CD81: variants seen among roughly 807,000 people sequenced by gnomAD.
The protein encoded by CD81 is CD81 antigen.
CD81 carries 10 observed loss-of-function variants against 30.1 expected under a neutral mutation model. That is an observed-to-expected ratio of 0.33 (90% CI 0.21 to 0.56). The LOEUF (loss-of-function observed/expected upper bound fraction) is 0.56. Ranked by LOEUF, CD81 falls within the 20% of genes least tolerant of loss-of-function variation. CD81 has a pLI of 0.89. For synonymous variants in CD81, 147 were observed against 126.4 expected, an observed-to-expected ratio of 1.16 and a Z score of -1.10; for missense variants, 263 against 308.7, an observed-to-expected ratio of 0.85 and a Z score of 1.11.
At chr11:2,377,281 A>G (rs1849610012), upstream of CD81, 1 of 150,494 alleles carries the variant, frequency 6.6e-6, no homozygotes, top group African/African-American at 2.5e-5. The surrounding 1 kb of genome is among the most constrained non-coding windows in gnomAD (Gnocchi z 7.7). Flanking sequence ...GCGGCGCCCT[A>G]TAAGTACTGC....
chr11:2,396,087 T>C (rs1486736203), intron 6 of CD81, 117 bp downstream of exon 6: 2 of 473,452 alleles, frequency 4.2e-6, no homozygotes, highest in Non-Finnish European at 8.3e-6. Flanking sequence ...CTGGGTGGCA[T>C]GGCCCCTGTC....
Position 2,377,855 on chromosome 11 carries a change from C to A in CD81, c.66+240C>A. ...TGTGCTCGGGGGCCCACCTCTGCGGCCGGGCCGGGGCTTCTGGGGGCCGCC... is the reference window on the plus strand; with the variant it reads ...TGTGCTCGGGGGCCCACCTCTGCGGACGGGCCGGGGCTTCTGGGGGCCGCC... On this transcript the variant is annotated intron_variant, in intron 1 of 7. Transcript: ENST00000263645. This position sits in a 1 kb window ranked among gnomAD's most constrained non-coding sequence, Gnocchi z 7.7. 4.3e-6 allele frequency: 1 copy of A among 231,726 alleles called. No homozygotes were observed. The highest frequency in any genetic ancestry group is 8.4e-6 in the Non-Finnish European group (1 of 118,476). 14.4% of individuals were successfully genotyped at this position (231,726 alleles called of 1,614,324 possible).
intron 1 of CD81, among the ~76,000 whole-genome samples, chr11:2,387,370 G>A (rs917026093): frequency 6.6e-6 from 1 of 152,178 alleles, no homozygotes; most frequent in African/African-American, 2.4e-5. Flanking sequence ...CTCTCAAAAC[G>A]GTCTCTGGAC....
chr11:2,385,120 T>C (rs1467458394), intron 1 of CD81, among the ~76,000 whole-genome samples: 1 of 152,126 alleles, frequency 6.6e-6, no homozygotes, highest in African/African-American at 2.4e-5. Context: ...GATGGCAGCC[T>C]GGGGTCTTTG....
chr11:2,396,783 C>T (rs950972181), intron 7 of CD81, 21 bp from the exon 8 acceptor site: 1 of 1,612,184 alleles, frequency 6.2e-7, no homozygotes, highest in Non-Finnish European at 8.5e-7. Flanking sequence ...GCTGACTGCG[C>T]CCCCCACCAC....
intron 1 of CD81, chr11:2,379,156 C>G: frequency 2.2e-6 from 1 of 455,264 alleles, no homozygotes; most frequent in South Asian, 1.6e-5. Flanking sequence ...GGAGAGGCAC[C>G]AGACACAGGA....
intron 4 of CD81, 113 bp downstream of exon 4, chr11:2,395,159 C>G (rs1449222813): frequency 2.2e-6 from 2 of 909,828 alleles, no homozygotes; most frequent in East Asian, 2.5e-5. Flanking sequence ...TTGGGCTCTT[C>G]CTGGGTCCCA....
chr11:2,396,897 G>T lies in CD81; in HGVS notation c.*31G>T. 6.2e-7 allele frequency: 1 copy of T among 1,607,284 alleles called. No homozygotes were observed. The highest frequency in any genetic ancestry group is 8.5e-7 in the Non-Finnish European group (1 of 1,176,030). On this transcript the variant is annotated 3_prime_UTR_variant, in exon 8 of 8. Transcript: ENST00000263645. ...CGCAGCTCTGGCCACAGGGACCTCT[G>T]CAGTGCCCCCTAAGTGACCCGGACA... is the stretch of plus-strand genomic sequence containing the variant.
At chr11:2,386,916 C>T (rs117375634) in intron 1 of CD81, among the ~76,000 whole-genome samples, 8,152 of 152,332 alleles carry the variant, frequency 0.054, 318 homozygotes, top group Middle Eastern at 0.088. Flanking sequence ...GGCCTGGGGC[C>T]GGGGCTTGTC....
chr11:2,380,577 C>T (rs558323355), intron 1 of CD81, among the ~76,000 whole-genome samples: 23 of 152,248 alleles, frequency 1.5e-4, no homozygotes, highest in South Asian at 4.1e-4. Context: ...GGGTGCGCGG[C>T]GGGCCCAAGC....
At chr11:2,393,811 C>T (rs1394047700) in intron 2 of CD81, 12 of 627,968 alleles carry the variant, frequency 1.9e-5, no homozygotes, top group Non-Finnish European at 3.5e-5. Flanking sequence ...CAGGTGTCAT[C>T]CCTGCGAAGC....
At chr11:2,384,363 GTGGGGTGGGGCATTTCC>G (rs1209063928) in intron 1 of CD81, among the ~76,000 whole-genome samples, 1 of 135,754 alleles carries the variant, frequency 7.4e-6, no homozygotes, top group Non-Finnish European at 1.6e-5. Flanking sequence ...GGGGTGGCTT[GTGGGGTGGGGCATTTCC>G]TGGGGTGGGG....
At chr11:2,389,753 G>GCC in intron 1 of CD81, among the ~76,000 whole-genome samples, 1 of 152,216 alleles carries the variant, frequency 6.6e-6, no homozygotes, top group Admixed American at 6.5e-5. Flanking sequence ...ACATCCCACA[G>GCC]CAGGGATGTA....
intron 2 of CD81, 61 bp downstream of exon 2, chr11:2,390,587 A>G (rs1281122865): frequency 1.7e-6 from 2 of 1,201,358 alleles, no homozygotes; most frequent in African/African-American, 1.5e-5. Flanking sequence ...GGCAGGTCCT[A>G]GCCTTTTGGA....
chr11:2,396,655 C>T lies in CD81; in HGVS notation c.589C>T (p.Leu197Phe), dbSNP rs1245423683. 1.2e-6 allele frequency: 2 copies of T among 1,611,790 alleles called. No individual in the cohort carries two copies. The highest frequency in any genetic ancestry group is 2.2e-5 in the East Asian group (1 of 44,878). The change falls in exon 7 of 8, where the codon CTC (leucine) becomes TTC (phenylalanine). Residue 197 changes from leucine to phenylalanine, a missense_variant. By Grantham distance (22) the Leu-to-Phe change is conservative. Transcript: ENST00000263645. ...KEDCHQKIDD[L>F]FSGKLYLIGI... The stretch of plus-strand genomic sequence containing the variant: ...GGACTGCCACCAGAAGATCGATGAC[C>T]TCTTCTCCGGGAAGCTGTACCTCAT...
At chr11:2,388,919 C>T (rs956989696) in intron 1 of CD81, among the ~76,000 whole-genome samples, 3 of 152,146 alleles carry the variant, frequency 2.0e-5, no homozygotes, top group South Asian at 4.1e-4. Flanking sequence ...TTCTTCAGCA[C>T]GCCCTGGCCT....
At chr11:2,380,963 TCA>T (rs1456231876) in intron 1 of CD81, among the ~76,000 whole-genome samples, 1 of 152,196 alleles carries the variant, frequency 6.6e-6, no homozygotes, top group Non-Finnish European at 1.5e-5. Context: ...GAAGCCTCGC[TCA>T]CGGGTATTTC....
In CD81 at chr11:2,396,699, G is replaced by A; in HGVS notation, c.633G>A (p.Val211=). ...ACCTCATCGGCATTGCTGCCATCGT[G>A]GTCGCTGTGATCATGGTGAGCGGGC... ...KLYLIGIAAI[V]VAVIMIFEMI... Residue 211 remains valine (V), a synonymous_variant, in exon 7 of 8, where the codon GTG becomes GTA. Coordinates refer to ENST00000263645, the MANE Select transcript of CD81 (RefSeq NM_004356.4). The A allele has an allele frequency of 6.2e-7, 1 of 1,611,754 alleles. No homozygotes were observed. Among genetic ancestry groups the A allele is most frequent in the Non-Finnish European group, 8.5e-7 (1 of 1,179,994 alleles).
chr11:2,388,365 G>C (rs919825335), intron 1 of CD81, among the ~76,000 whole-genome samples: 1 of 152,210 alleles, frequency 6.6e-6, no homozygotes, highest in African/African-American at 2.4e-5. Flanking sequence ...CCTGACCGGG[G>C]GGTCCTCAGG....
Sources: allele counts gnomAD v4.1 joint callset (sites outside exome capture counted in the v4.1 genomes callset), GRCh38; gene constraint gnomAD v4.1.1; non-coding constraint Gnocchi (gnomAD v3.1); transcripts MANE v1.5; gene names NCBI Gene and HGNC (gene_info 2026-07-23, HGNC 2026-07-21).